The following GSN variants were observed in gnomAD, a reference collection of about 807,000 sequenced individuals.
GSN encodes the protein gelsolin, also known as actin-depolymerizing factor.
GSN carries 56 observed loss-of-function variants against 85.7 expected under a neutral mutation model. The ratio of observed to expected loss-of-function variants is 0.65; its 90% CI spans 0.53 to 0.82. The LOEUF (loss-of-function observed/expected upper bound fraction) is 0.82. Among genes scored for constraint, GSN ranks in the 40% least tolerant of loss-of-function variants. The probability of loss-of-function intolerance (pLI) is 0.00; values close to 1 mark genes in which losing one functional copy is unlikely to be tolerated. For synonymous variants in GSN, 373 were observed against 399.1 expected, an observed-to-expected ratio of 0.93 and a Z score of 0.78; for missense variants, 857 against 979.8, an observed-to-expected ratio of 0.87 and a Z score of 1.67.
intron 4 of GSN, among the ~76,000 whole-genome samples, chr9:121,305,881 G>A (rs894821884): frequency 6.6e-6 from 1 of 152,246 alleles, no homozygotes; most frequent in Non-Finnish European, 1.5e-5. Context: ...TCCCGGAGGA[G>A]CAGGGCTTGT....
Position 121,307,471 on chromosome 9 carries a change from G to GGAGTTCCTAGGCTGACAGTT in GSN, c.352-3210_352-3191dup, listed in dbSNP as rs1166427228. On this transcript the variant is annotated intron_variant, in intron 4 of 17. Coordinates refer to ENST00000432226, the MANE Select transcript of GSN (RefSeq NM_198252.3). ...CCAGGTGAATGAAGTCCCCTGGTCA[G>GGAGTTCCTAGGCTGACAGTT]GAGTTCCTAGGCTGACAGTTGAATG... 4.6e-5 allele frequency among the ~76,000 whole-genome samples: 7 copies of GGAGTTCCTAGGCTGACAGTT among 152,328 alleles called. No individual in the cohort carries two copies. The East Asian group carries it at 1.4e-3, about 29-fold the overall frequency.
At chr9:121,228,427 T>TTATA (rs2054319315) in intron 4 of GSN, among the ~76,000 whole-genome samples, 1 of 27,638 alleles carries the variant, frequency 3.6e-5, no homozygotes, top group Non-Finnish European at 6.4e-5. Context: ...TATATATATT[T>TTATA]TTTTTTTTTT....
chr9:121,322,910 A>C (rs2062661981), intron 11 of GSN, among the ~76,000 whole-genome samples: 1 of 150,346 alleles, frequency 6.7e-6, no homozygotes, highest in African/African-American at 2.5e-5. Context: ...TGCTCACCAC[A>C]ACCTCTGCCC....
chr9:121,310,567 T>C, intron 4 of GSN, 117 bp from the exon 5 acceptor site: 1 of 882,250 alleles, frequency 1.1e-6, no homozygotes. Flanking sequence ...ACTGTGTTGC[T>C]GGAAAGCCCC....
intron 4 of GSN, among the ~76,000 whole-genome samples, chr9:121,217,797 TG>T (rs1246703212): frequency 8.4e-6 from 1 of 119,106 alleles, no homozygotes; most frequent in African/African-American, 3.4e-5. Flanking sequence ...AATATAGAAA[TG>T]TATTATTATT....
chr9:121,330,300 T>C (rs1049665407), intron 16 of GSN, among the ~76,000 whole-genome samples: 4 of 152,182 alleles, frequency 2.6e-5, no homozygotes, highest in Non-Finnish European at 5.9e-5. Flanking sequence ...GGGCCAGACA[T>C]GTTGGCTCAC....
intron 2 of GSN, 141 bp downstream of exon 2, chr9:121,281,703 A>G (rs1426327188): frequency 2.1e-6 from 1 of 471,146 alleles, no homozygotes; most frequent in Non-Finnish European, 4.4e-6. Context: ...TCTTCCTAAT[A>G]AGGCTCAGAG....
At chr9:121,259,641 A>G (rs895529548) in intron 6 of GSN, among the ~76,000 whole-genome samples, 1 of 152,120 alleles carries the variant, frequency 6.6e-6, no homozygotes, top group Non-Finnish European at 1.5e-5. Context: ...GCAAGGCCAG[A>G]TCATGTGTGG....
intron 2 of GSN, among the ~76,000 whole-genome samples, chr9:121,291,608 T>C (rs1974094): frequency 0.72 from 109,481 of 151,688 alleles, 39,805 homozygotes; most frequent in South Asian, 0.81. Flanking sequence ...TTAGTAGAGA[T>C]GGGGTTTCAC....
intron 2 of GSN, chr9:121,286,623 C>T (rs1455322022): frequency 6.6e-7 from 1 of 1,525,292 alleles, no homozygotes; most frequent in Non-Finnish European, 8.8e-7. Flanking sequence ...GCTTGAATGA[C>T]TATTGGTGTT....
rs2055003262 is a variant in GSN, at chr9:121,258,017, T to C, written c.-340-7137T>C. Among the ~76,000 whole-genome samples the C allele has an allele frequency of 2.0e-5, 3 of 152,202 alleles. No individual in the cohort carries two copies. The South Asian group carries it at 6.2e-4, about 31-fold the overall frequency. On this transcript the variant is annotated intron_variant, in intron 6 of 24. Coordinates refer to the GSN transcript ENST00000373823. The stretch of plus-strand genomic sequence containing the variant: ...GGAGGAAAAAATGATAGTCTATAAT[T>C]GCTTAAATGTGATGATCACAACTGT...
At position 121,329,123 on chromosome 9, in the gene GSN, G is replaced by A. The variant is rs2063597524; in HGVS notation, c.1887+108G>A. On this transcript the variant is annotated intron_variant, in intron 15 of 17. Coordinates refer to ENST00000432226, the MANE Select transcript of GSN (RefSeq NM_198252.3). This position sits in a 1 kb window ranked among gnomAD's most constrained non-coding sequence, Gnocchi z 4.6. ...AACAGTTCTGATGGTGTGGCACAGA[G>A]GAAGGGGCCCCCTGCCAGCTGCAGC... 3 of 1,542,912 alleles carry A rather than the reference G, an allele frequency of 1.9e-6. No individual in the cohort carries two copies. The highest frequency in any genetic ancestry group is 2.7e-5 in the African/African-American group (2 of 73,578).
At chr9:121,266,348 T>G (rs1178241930), upstream of GSN, among the ~76,000 whole-genome samples, 1 of 152,204 alleles carries the variant, frequency 6.6e-6, no homozygotes, top group Non-Finnish European at 1.5e-5. Flanking sequence ...AATGATATGT[T>G]AGATAATTCC....
At chr9:121,204,834 T>C (rs2132049655), upstream of GSN, among the ~76,000 whole-genome samples, 1 of 152,294 alleles carries the variant, frequency 6.6e-6, no homozygotes, top group Admixed American at 6.5e-5. Flanking sequence ...TATGGAACAA[T>C]GTCTAGGAAA....
chr9:121,250,699 G>A (rs1000770698), intron 6 of GSN, among the ~76,000 whole-genome samples: 10 of 145,176 alleles, frequency 6.9e-5, no homozygotes, highest in Non-Finnish European at 1.2e-4. Flanking sequence ...CACCACGCCT[G>A]GCTTATTTTT....
chr9:121,283,682 CATTCATTCATTCAT>C (rs369237356), intron 2 of GSN: 65,730 of 166,600 alleles, frequency 0.39, 15,821 homozygotes, highest in East Asian at 0.62. Context: ...TTCATTCATT[CATTCATTCATTCAT>C]TCATTCATTC....
Position 121,299,946 on chromosome 9 carries a change from A to T in GSN, c.-9-2017A>T. On this transcript the variant is annotated intron_variant, in intron 2 of 17. Coordinates refer to ENST00000432226, the MANE Select transcript of GSN (RefSeq NM_198252.3). This position sits in a 1 kb window ranked among gnomAD's most constrained non-coding sequence, Gnocchi z 4.2. ...GCTGTCGCTGCCCGTCCGCGCGGCC[A>T]CTGCGTCGCGGGGGGCGTCCCAGGC... 1 of 1,264,548 alleles carries T rather than the reference A, an allele frequency of 7.9e-7. No individual in the cohort carries two copies. The highest frequency in any genetic ancestry group is 1.0e-6 in the Non-Finnish European group (1 of 1,003,654). 78.3% of individuals were successfully genotyped at this position (1,264,548 alleles called of 1,614,324 possible).
intron 2 of GSN, among the ~76,000 whole-genome samples, chr9:121,291,108 G>T (rs1245283559): frequency 6.6e-6 from 1 of 151,890 alleles, no homozygotes; most frequent in Non-Finnish European, 1.5e-5. Flanking sequence ...AAACAGTGCA[G>T]TGTAACAACT....
At chr9:121,267,183 G>A (rs978918877), upstream of GSN, among the ~76,000 whole-genome samples, 1 of 152,158 alleles carries the variant, frequency 6.6e-6, no homozygotes. Flanking sequence ...AAAGTCCTGG[G>A]AACTCATGTG....
Sources: gnomAD v4.1 joint callset for allele counts (sites outside exome capture counted in the v4.1 genomes callset) on GRCh38, gnomAD v4.1.1 for gene constraint, Gnocchi (gnomAD v3.1) non-coding constraint, MANE v1.5 for transcripts, NCBI Gene and HGNC (gene_info 2026-07-23, HGNC 2026-07-21) for gene names.